The following PARD3B variants were observed in gnomAD, a reference collection of about 807,000 sequenced individuals.
PARD3B encodes partitioning defective 3 homolog B.
A neutral mutation model predicts 130.2 loss-of-function variants in PARD3B; 103 were observed. That is an observed-to-expected ratio of 0.79 (90% CI 0.67 to 0.93). The LOEUF (loss-of-function observed/expected upper bound fraction) is 0.93. Ranked by LOEUF, PARD3B falls within the 40% of genes least tolerant of loss-of-function variation. The pLI is 0.00. For synonymous variants in PARD3B, 583 were observed against 553.2 expected (o/e 1.05, Z -0.76); for missense variants, 1,609 against 1,499.2 (o/e 1.07, Z -1.21).
At position 205,183,183 on chromosome 2, in the gene PARD3B, G is replaced by A. The variant is rs936693978; in HGVS notation, c.1925-2581G>A. 1.1e-4 allele frequency among the ~76,000 whole-genome samples: 16 copies of A among 152,206 alleles called. No individual in the cohort carries two copies. The highest frequency in any genetic ancestry group is 3.9e-4 in the African/African-American group (16 of 41,458). ...TTGCAGTTACATAAGCAAAGATACTGAGGCAGGAACACCCAGGGGTGTTGG... is the reference window on the plus strand; with the variant it reads ...TTGCAGTTACATAAGCAAAGATACTAAGGCAGGAACACCCAGGGGTGTTGG... On this transcript the variant is annotated intron_variant, in intron 13 of 22. Coordinates refer to ENST00000406610, the MANE Select transcript of PARD3B (RefSeq NM_001302769.2). This position sits in a 1 kb window ranked among gnomAD's most constrained non-coding sequence, Gnocchi z 5.2.
At position 204,938,055 on chromosome 2, in the gene PARD3B, C is replaced by G. The variant is rs1322378860; in HGVS notation, c.223-27097C>G. Among the ~76,000 whole-genome samples the G allele has an allele frequency of 4.6e-5, 7 of 152,220 alleles. No homozygotes were observed. The South Asian group carries it at 1.4e-3, about 31-fold the overall frequency. Reference sequence around the variant, plus strand: ...TCAGGTTTTATAACTGCTGTTATCACTGCCATCTGCCAGAGGGAGATGAAA... The same window carrying G: ...TCAGGTTTTATAACTGCTGTTATCAGTGCCATCTGCCAGAGGGAGATGAAA... On this transcript the variant is annotated intron_variant, in intron 2 of 22. Coordinates refer to ENST00000406610, the MANE Select transcript of PARD3B (RefSeq NM_001302769.2).
At chr2:205,335,917 C>T (rs1470883968) in intron 18 of PARD3B, among the ~76,000 whole-genome samples, 1 of 152,172 alleles carries the variant, frequency 6.6e-6, no homozygotes, top group Non-Finnish European at 1.5e-5. Flanking sequence ...CGGGTAAGAA[C>T]AGCACAAGTA....
chr2:205,111,190 G>C (rs1241759772), intron 5 of PARD3B, among the ~76,000 whole-genome samples: 1 of 151,976 alleles, frequency 6.6e-6, no homozygotes, highest in Admixed American at 6.6e-5. Flanking sequence ...CTTTCTATAA[G>C]TGCTTATATA....
chr2:205,357,068 T>C (rs988578390), intron 18 of PARD3B, among the ~76,000 whole-genome samples: 4 of 152,220 alleles, frequency 2.6e-5, no homozygotes, highest in African/African-American at 9.6e-5. Context: ...TGTTTTCTGT[T>C]CTAGCTTCTT....
intron 2 of PARD3B, among the ~76,000 whole-genome samples, chr2:204,921,592 A>T (rs2047682983): frequency 6.6e-6 from 1 of 152,152 alleles, no homozygotes; most frequent in Admixed American, 6.5e-5. Context: ...GGTGGTGTTT[A>T]TCAGTGAAAT....
chr2:205,088,512 T>C (rs1379234661), intron 4 of PARD3B, among the ~76,000 whole-genome samples: 1 of 152,120 alleles, frequency 6.6e-6, no homozygotes, highest in African/African-American at 2.4e-5. Context: ...TTTTGCTCTG[T>C]TTTAAACCAT....
intron 18 of PARD3B, among the ~76,000 whole-genome samples, chr2:205,368,730 A>G (rs779830389): frequency 2.0e-5 from 3 of 152,156 alleles, no homozygotes; most frequent in Admixed American, 6.5e-5. Flanking sequence ...CTTACTTTTA[A>G]TTACCTCTCT....
intron 10 of PARD3B, among the ~76,000 whole-genome samples, chr2:205,139,112 G>C (rs1487568607): frequency 6.6e-6 from 1 of 151,886 alleles, no homozygotes; most frequent in Non-Finnish European, 1.5e-5. Context: ...AGTATGTTTT[G>C]GAGATACCAT....
chr2:205,530,210 TTA>T lies in PARD3B; in HGVS notation c.3181-23112_3181-23111del, dbSNP rs992746983. 6.6e-6 allele frequency among the ~76,000 whole-genome samples: 1 copy of T among 152,114 alleles called. No individual in the cohort carries two copies. Among genetic ancestry groups the T allele is most frequent in the Non-Finnish European group, 1.5e-5 (1 of 68,012 alleles). The stretch of plus-strand genomic sequence containing the variant: ...AAACCAAAAGTTCTCTCCGCCACAT[TTA>T]TGTTTCTAGTGAAGTTTGGAGAAAA... On this transcript the variant is annotated intron_variant, in intron 21 of 22. Coordinates refer to ENST00000406610, the MANE Select transcript of PARD3B (RefSeq NM_001302769.2). The surrounding 1 kb of genome is among the most constrained non-coding windows in gnomAD (Gnocchi z 4.7).
Position 205,121,534 on chromosome 2 carries a change from T to C in PARD3B, c.807-57T>C, listed in dbSNP as rs1183882195. 1 of 1,479,526 alleles carries C rather than the reference T, an allele frequency of 6.8e-7. No homozygotes were observed. The highest frequency in any genetic ancestry group is 9.3e-7 in the Non-Finnish European group (1 of 1,073,660). The allele number at this position is 1,479,526 out of a possible 1,614,324, so 91.6% of individuals were successfully genotyped here. ...TGGTTGCCATCCTCCTGGGGTACTT[T>C]AGAAGATGCTGCACCTCAAAGCAGG... On this transcript the variant is annotated intron_variant, in intron 7 of 22. Transcript: ENST00000406610. The surrounding 1 kb of genome is among the most constrained non-coding windows in gnomAD (Gnocchi z 5.0).
chr2:204,613,548 C>T (rs570416053), intron 1 of PARD3B, among the ~76,000 whole-genome samples: 1 of 152,122 alleles, frequency 6.6e-6, no homozygotes, highest in South Asian at 2.1e-4. Flanking sequence ...TCTGTTATTG[C>T]GTTTTGGACC....
chr2:205,004,616 T>C (rs1310036266), intron 3 of PARD3B, among the ~76,000 whole-genome samples: 3 of 152,234 alleles, frequency 2.0e-5, no homozygotes, highest in African/African-American at 7.2e-5. Flanking sequence ...GGGTAATGTA[T>C]GTCCATTGTG....
intron 18 of PARD3B, among the ~76,000 whole-genome samples, chr2:205,346,921 C>T (rs1445613555): frequency 6.6e-6 from 1 of 152,132 alleles, no homozygotes; most frequent in Non-Finnish European, 1.5e-5. Context: ...GGCTAATGCT[C>T]GGTGGGTGGC....
chr2:204,885,791 C>T (rs1192157943), intron 2 of PARD3B, among the ~76,000 whole-genome samples: 1 of 152,052 alleles, frequency 6.6e-6, no homozygotes, highest in Non-Finnish European at 1.5e-5. Context: ...GGTGATAACC[C>T]TGAATATTTG....
chr2:204,952,498 T>C (rs547540950), intron 2 of PARD3B, among the ~76,000 whole-genome samples: 1 of 152,152 alleles, frequency 6.6e-6, no homozygotes, highest in East Asian at 1.9e-4. Flanking sequence ...TGGAATACCA[T>C]GTAATGAAAA....
At chr2:205,555,790 A>G (rs977152166) in intron 22 of PARD3B, among the ~76,000 whole-genome samples, 5 of 152,240 alleles carry the variant, frequency 3.3e-5, no homozygotes, top group African/African-American at 1.2e-4. Context: ...AATAGGGCTC[A>G]GATAAATGCA....
intron 13 of PARD3B, among the ~76,000 whole-genome samples, chr2:205,180,976 C>G (rs556242650): frequency 6.6e-6 from 1 of 152,098 alleles, no homozygotes; most frequent in South Asian, 2.1e-4. Context: ...TACCCTGGGC[C>G]GAGGAATAGC....
intron 1 of PARD3B, among the ~76,000 whole-genome samples, chr2:204,547,353 G>T (rs1201427683): frequency 3.3e-5 from 5 of 152,092 alleles, no homozygotes; most frequent in Admixed American, 2.6e-4. Flanking sequence ...ACAATGAAAG[G>T]TCTATTAATA....
intron 2 of PARD3B, among the ~76,000 whole-genome samples, chr2:204,792,815 T>C (rs931850052): frequency 6.6e-6 from 1 of 152,206 alleles, no homozygotes; most frequent in Non-Finnish European, 1.5e-5. Flanking sequence ...TTTCGATTCT[T>C]TCAGATGTCT....
Sources: gnomAD v4.1 joint callset for allele counts (sites outside exome capture counted in the v4.1 genomes callset) on GRCh38, gnomAD v4.1.1 for gene constraint, Gnocchi (gnomAD v3.1) non-coding constraint, MANE v1.5 for transcripts, NCBI Gene and HGNC (gene_info 2026-07-23, HGNC 2026-07-21) for gene names.